The following ADAMTS20 variants were observed in gnomAD, a reference collection of about 807,000 sequenced individuals.
ADAMTS20 encodes the protein A disintegrin and metalloproteinase with thrombospondin motifs 20.
A neutral mutation model predicts 260.1 loss-of-function variants in ADAMTS20; 225 were observed. The ratio of observed to expected loss-of-function variants is 0.87; its 90% CI spans 0.78 to 0.97. The LOEUF is 0.97. Among genes scored for constraint, ADAMTS20 ranks in the 50% least tolerant of loss-of-function variants. ADAMTS20 has a pLI of 0.00. For missense variants in ADAMTS20, 2,400 were observed against 2,337.7 expected (o/e 1.03, Z -0.55); for synonymous variants, 802 against 769.5 (o/e 1.04, Z -0.70).
At chr12:43,353,264 C>T (rs1400147790), downstream of ADAMTS20, among the ~76,000 whole-genome samples, 1 of 151,768 alleles carries the variant, frequency 6.6e-6, no homozygotes, top group Non-Finnish European at 1.5e-5. Flanking sequence ...TATAAAATAA[C>T]TTAAACATCT....
At chr12:43,454,489 C>T (rs924870837) in intron 11 of ADAMTS20, among the ~76,000 whole-genome samples, 36 of 152,292 alleles carry the variant, frequency 2.4e-4, no homozygotes, top group African/African-American at 8.4e-4. Context: ...CCTTTACTTT[C>T]ATCAGGAAAA....
chr12:43,528,049 C>G (rs772272566), intron 3 of ADAMTS20, among the ~76,000 whole-genome samples: 1 of 151,984 alleles, frequency 6.6e-6, no homozygotes. Context: ...CAAAAACAAT[C>G]AAGCTGAGAG....
intron 3 of ADAMTS20, among the ~76,000 whole-genome samples, chr12:43,530,464 T>C (rs1943204806): frequency 6.6e-6 from 1 of 152,194 alleles, no homozygotes; most frequent in Non-Finnish European, 1.5e-5. Context: ...ATTATGTCAA[T>C]AGATTTAAAA....
At chr12:43,528,637 C>T (rs1249384187) in intron 3 of ADAMTS20, among the ~76,000 whole-genome samples, 9 of 151,834 alleles carry the variant, frequency 5.9e-5, no homozygotes, top group Non-Finnish European at 4.4e-5. Flanking sequence ...CCTATCTCTC[C>T]CCTTGTACAA....
intron 29 of ADAMTS20, among the ~76,000 whole-genome samples, chr12:43,387,144 G>A (rs1417064280): frequency 6.6e-6 from 1 of 152,144 alleles, no homozygotes; most frequent in African/African-American, 2.4e-5. Context: ...TTTGGCCTTT[G>A]ATGTTGGTGA....
chr12:43,387,331 C>T (rs189227634), intron 29 of ADAMTS20, among the ~76,000 whole-genome samples: 67 of 152,294 alleles, frequency 4.4e-4, no homozygotes, highest in Admixed American at 1.4e-3. Flanking sequence ...TGCAGAACAG[C>T]AAAGATTGCT....
chr12:43,443,670 T>C, intron 16 of ADAMTS20, 121 bp downstream of exon 16: 1 of 735,426 alleles, frequency 1.4e-6, no homozygotes, highest in East Asian at 2.5e-5. Context: ...AAGCTCAGTA[T>C]GAAATGAAAT....
At chr12:43,358,836 CAAAAAAAA>C (rs151206551) in intron 37 of ADAMTS20, among the ~76,000 whole-genome samples, 2 of 61,256 alleles carry the variant, frequency 3.3e-5, no homozygotes, top group African/African-American at 1.2e-4. Context: ...AACTCCGTCT[CAAAAAAAA>C]AAAAAAAAAA....
At chr12:43,427,250 T>C in intron 27 of ADAMTS20, 58 bp downstream of exon 27, 1 of 1,560,630 alleles carries the variant, frequency 6.4e-7, no homozygotes, top group Non-Finnish European at 8.7e-7. Flanking sequence ...AGATGCTTTT[T>C]ACTTTCAGTC....
At chr12:43,461,841 T>A (rs1942070778) in intron 11 of ADAMTS20, among the ~76,000 whole-genome samples, 1 of 152,162 alleles carries the variant, frequency 6.6e-6, no homozygotes, top group East Asian at 1.9e-4. Flanking sequence ...TATATAAAGA[T>A]TGAATTTTAA....
intron 2 of ADAMTS20, among the ~76,000 whole-genome samples, chr12:43,543,700 C>T (rs1162662369): frequency 2.0e-5 from 3 of 152,040 alleles, no homozygotes; most frequent in Non-Finnish European, 4.4e-5. Context: ...AGAAGAGCAG[C>T]CTGTAATAAA....
At chr12:43,487,976 A>G (rs1460050523) in intron 7 of ADAMTS20, among the ~76,000 whole-genome samples, 5 of 152,170 alleles carry the variant, frequency 3.3e-5, no homozygotes, top group African/African-American at 9.6e-5. Context: ...GAATTATTCA[A>G]TGTATAGTTT....
At chr12:43,483,604 AAAATG>A (rs1255552439) in intron 7 of ADAMTS20, among the ~76,000 whole-genome samples, 1 of 152,176 alleles carries the variant, frequency 6.6e-6, no homozygotes, top group African/African-American at 2.4e-5. Context: ...AGCATTCCTA[AAAATG>A]AAATGAGGTG....
intron 14 of ADAMTS20, among the ~76,000 whole-genome samples, chr12:43,450,132 G>A (rs1014763527): frequency 2.6e-5 from 4 of 152,038 alleles, no homozygotes; most frequent in East Asian, 1.9e-4. Flanking sequence ...TAAAAGTAAA[G>A]TTTTCTCTAA....
At position 43,464,810 on chromosome 12, in the gene ADAMTS20, T is replaced by G. The variant is rs1942125687; in HGVS notation, c.1368-78A>C. The stretch of plus-strand genomic sequence containing the variant: ...GTATGATTCTTTATCACATTTTTTG[T>G]AGTTCTTTACTTTCAAAGAGAATAT... On this transcript the variant is annotated intron_variant, in intron 9 of 38. Coordinates refer to ENST00000389420, the MANE Select transcript of ADAMTS20 (RefSeq NM_025003.5). The G allele has an allele frequency of 2.8e-6, 4 of 1,443,084 alleles. No homozygotes were observed. The Admixed American group carries it at 1.0e-4, about 36-fold the overall frequency. The allele number at this position is 1,443,084 out of a possible 1,614,324, so 89.4% of individuals were successfully genotyped here.
intron 28 of ADAMTS20, among the ~76,000 whole-genome samples, chr12:43,402,368 A>G (rs1206637019): frequency 3.3e-5 from 5 of 152,032 alleles, no homozygotes; most frequent in Non-Finnish European, 7.4e-5. Flanking sequence ...AAAATCAAAG[A>G]ATTATAAAAT....
intron 3 of ADAMTS20, among the ~76,000 whole-genome samples, chr12:43,505,058 A>T (rs1389858641): frequency 2.0e-5 from 3 of 152,232 alleles, no homozygotes; most frequent in Admixed American, 2.0e-4. Flanking sequence ...ACTGCAATAG[A>T]GACCCCAGAT....
At chr12:43,490,517 T>A (rs1198096554) in intron 6 of ADAMTS20, 82 bp from the exon 7 acceptor site, 3 of 688,760 alleles carry the variant, frequency 4.4e-6, no homozygotes, top group Non-Finnish European at 6.9e-6. Context: ...AAGCTTTAAC[T>A]ATGACATGAC....
intron 31 of ADAMTS20, among the ~76,000 whole-genome samples, chr12:43,382,411 T>C (rs901772978): frequency 4.6e-5 from 7 of 152,196 alleles, no homozygotes; most frequent in African/African-American, 1.7e-4. Context: ...ATTCCATTTA[T>C]ACCAAATGTG....
Sources: allele counts gnomAD v4.1 joint callset (sites outside exome capture counted in the v4.1 genomes callset), GRCh38; gene constraint gnomAD v4.1.1; transcripts MANE v1.5; gene names NCBI Gene and HGNC (gene_info 2026-07-23, HGNC 2026-07-21).